Variants in ZDHHC5 observed in about 807,000 individuals in gnomAD.
ZDHHC5 encodes the protein palmitoyltransferase ZDHHC5.
In ZDHHC5, 22 loss-of-function variants were observed where a neutral mutation model predicts 70.0. The observed-to-expected ratio is 0.31, with a 90% CI of 0.22 to 0.45. The LOEUF (loss-of-function observed/expected upper bound fraction) is 0.45. Ranked by LOEUF, ZDHHC5 falls within the 20% of genes least tolerant of loss-of-function variation. The probability of loss-of-function intolerance (pLI) is 1.00; values close to 1 mark genes in which losing one functional copy is unlikely to be tolerated. For synonymous variants in ZDHHC5, 313 were observed against 347.8 expected (o/e 0.90, Z 1.11); for missense variants, 746 against 926.9 (o/e 0.80, Z 2.53).
intron 1 of ZDHHC5, among the ~76,000 whole-genome samples, chr11:57,668,760 A>AC (rs1945961040): frequency 6.6e-6 from 1 of 152,180 alleles, no homozygotes; most frequent in Non-Finnish European, 1.5e-5. Context: ...TCCTACCGCC[A>AC]CCAGCCGAGT....
intron 2 of ZDHHC5, among the ~76,000 whole-genome samples, chr11:57,678,714 C>CA (rs35821820): frequency 4.6e-5 from 7 of 151,818 alleles, no homozygotes; most frequent in South Asian, 4.2e-4. Flanking sequence ...CCTGTCTCTA[C>CA]AAAAAATAAG....
At chr11:57,669,448 T>C (rs1313359740) in intron 1 of ZDHHC5, among the ~76,000 whole-genome samples, 1 of 152,172 alleles carries the variant, frequency 6.6e-6, no homozygotes, top group East Asian at 1.9e-4. Flanking sequence ...CAATATGGCA[T>C]ACATATTACT....
At chr11:57,682,307 A>C in intron 2 of ZDHHC5, 115 bp from the exon 3 acceptor site, 1 of 1,389,374 alleles carries the variant, frequency 7.2e-7, no homozygotes, top group Non-Finnish European at 9.5e-7. Flanking sequence ...TGGCAAAGGT[A>C]AACCACACAA....
Position 57,672,184 on chromosome 11 carries a change from T to C in ZDHHC5, c.-907T>C, listed in dbSNP as rs1041127769. Reference sequence around the variant, plus strand: ...AATTGGAATTGATTTCTTCATCTTATTCTGCCTATTGGGAAGAACATGGCT... The same window carrying C: ...AATTGGAATTGATTTCTTCATCTTACTCTGCCTATTGGGAAGAACATGGCT... On this transcript the variant is annotated 5_prime_UTR_variant, in exon 2 of 12. Coordinates refer to ENST00000287169, the MANE Select transcript of ZDHHC5 (RefSeq NM_015457.3). The C allele has an allele frequency of 8.5e-5, 34 of 398,466 alleles. No individual in the cohort carries two copies. Among genetic ancestry groups the C allele is most frequent in the Non-Finnish European group, 1.2e-4 (28 of 226,054 alleles). The allele number at this position is 398,466 out of a possible 1,614,324, so 24.7% of individuals were successfully genotyped here.
intron 2 of ZDHHC5, among the ~76,000 whole-genome samples, chr11:57,674,486 G>A (rs965660286): frequency 3.9e-5 from 6 of 152,120 alleles, no homozygotes; most frequent in African/African-American, 1.4e-4. Flanking sequence ...CTTCTGGGAA[G>A]TTACTTTGTC....
rs754735960 is a variant in ZDHHC5 at position 57,698,885 on chromosome 11, G to A, written c.1449G>A (p.Glu483=). The A allele has an allele frequency of 3.1e-6, 5 of 1,614,086 alleles. No homozygotes were observed. The African/African-American group carries it at 5.3e-5, about 17-fold the overall frequency. The change falls in exon 11 of 12, where the codon GAG becomes GAA. Residue 483 remains glutamate (E), a synonymous_variant. Transcript: ENST00000287169. ...CACCTTCAGACAGCCCTGATTTTGAGTCAGTGCAGGCAGGGCCTGAGCCAG... is the reference window on the plus strand; with the variant it reads ...CACCTTCAGACAGCCCTGATTTTGAATCAGTGCAGGCAGGGCCTGAGCCAG... ...LLTPSDSPDF[E]SVQAGPEPDP...
Position 57,696,721 on chromosome 11 carries a change from C to T in ZDHHC5, c.1010-40C>T, listed in dbSNP as rs570839964. The T allele has an allele frequency of 3.1e-5, 50 of 1,588,792 alleles. No homozygotes were observed. In the East Asian group the frequency reaches 4.5e-4, roughly 14 times the overall value. On this transcript the variant is annotated intron_variant, in intron 9 of 11. Coordinates refer to ENST00000287169, the MANE Select transcript of ZDHHC5 (RefSeq NM_015457.3). The stretch of plus-strand genomic sequence containing the variant: ...GACCCTGTCTCTTAAACCAAAAAAC[C>T]GCTTGTAAAATAGTGCCCCCTTGGC...
intron 1 of ZDHHC5, chr11:57,668,615 G>C (rs760315487): frequency 2.6e-5 from 4 of 152,384 alleles, no homozygotes; most frequent in Non-Finnish European, 5.9e-5. Context: ...CCTTTCCCCA[G>C]TCCCGTGGTG....
At chr11:57,690,243 G>A in intron 5 of ZDHHC5, 40 bp downstream of exon 5, 1 of 1,613,228 alleles carries the variant, frequency 6.2e-7, no homozygotes, top group Non-Finnish European at 8.5e-7. Flanking sequence ...ATTGGAAGGG[G>A]GAGGAATGAG....
intron 2 of ZDHHC5, 118 bp downstream of exon 2, chr11:57,673,312 A>G: frequency 1.1e-6 from 1 of 892,708 alleles, no homozygotes; most frequent in Non-Finnish European, 1.7e-6. Context: ...AGCGTCTGGT[A>G]CAGGTAAATC....
At chr11:57,680,016 C>T (rs906615109) in intron 2 of ZDHHC5, among the ~76,000 whole-genome samples, 1 of 152,092 alleles carries the variant, frequency 6.6e-6, no homozygotes, top group African/African-American at 2.4e-5. Flanking sequence ...AGTTGATATC[C>T]AGAAGGTTGT....
In ZDHHC5 at chr11:57,700,161, GA is replaced by G; in HGVS notation, c.*131del. 7.9e-7 allele frequency: 1 copy of G among 1,260,986 alleles called. No homozygotes were observed. The highest frequency in any genetic ancestry group is 1.1e-6 in the Non-Finnish European group (1 of 940,684). 78.1% of individuals were successfully genotyped at this position (1,260,986 alleles called of 1,614,324 possible). A position where few individuals can be genotyped will look rare whatever the true frequency, so the allele number is the denominator to read the frequency against. On this transcript the variant is annotated 3_prime_UTR_variant, in exon 12 of 12. Coordinates refer to ENST00000287169, the MANE Select transcript of ZDHHC5 (RefSeq NM_015457.3). ...TTTAAACCACCGATTCCAAGAGGAT[GA>G]GGAGTGTTTTCTAAAATGCAGTAGG... is the stretch of plus-strand genomic sequence containing the variant.
chr11:57,672,521 T>C lies in ZDHHC5; in HGVS notation c.-570T>C. The C allele has an allele frequency of 3.0e-6, 1 of 329,042 alleles. No homozygotes were observed. Among genetic ancestry groups the C allele is most frequent in the Non-Finnish European group, 5.5e-6 (1 of 183,026 alleles). 20.4% of individuals were successfully genotyped at this position (329,042 alleles called of 1,614,324 possible). On this transcript the variant is annotated 5_prime_UTR_variant, in exon 2 of 12. Coordinates refer to ENST00000287169, the MANE Select transcript of ZDHHC5 (RefSeq NM_015457.3). ...CAGTAAACAAAGCTCCTCTTTAAAG[T>C]TGGAAGGGGCCTCAGGTTCCTTCTT...
chr11:57,697,828 C>CAAAAAAAAA (rs1010913426), intron 10 of ZDHHC5, among the ~76,000 whole-genome samples: 2 of 28,760 alleles, frequency 7.0e-5, no homozygotes, highest in Non-Finnish European at 1.4e-4. Context: ...GACTACACCT[C>CAAAAAAAAA]AAAAAAAAAA....
At chr11:57,698,118 AACAC>A (rs113494839) in intron 10 of ZDHHC5, among the ~76,000 whole-genome samples, 83 of 110,374 alleles carry the variant, frequency 7.5e-4, no homozygotes, top group African/African-American at 1.6e-3. Flanking sequence ...CTGGGCTTAA[AACAC>A]ACACACACAC....
At chr11:57,694,952 G>A (rs1946330825) in intron 8 of ZDHHC5, among the ~76,000 whole-genome samples, 1 of 151,926 alleles carries the variant, frequency 6.6e-6, no homozygotes, top group South Asian at 2.1e-4. Context: ...CTCTAAAACA[G>A]ACTAAAATAA....
chr11:57,696,163 C>T (rs1946349338), intron 9 of ZDHHC5, 120 bp downstream of exon 9: 2 of 1,416,580 alleles, frequency 1.4e-6, no homozygotes, highest in Non-Finnish European at 1.9e-6. Flanking sequence ...ACTTTAAACA[C>T]CCAACAGTTG....
intron 2 of ZDHHC5, among the ~76,000 whole-genome samples, chr11:57,677,824 C>T (rs1946091645): frequency 6.6e-6 from 1 of 151,720 alleles, no homozygotes; most frequent in Admixed American, 6.6e-5. Flanking sequence ...TGTGATTTAG[C>T]ACATTAATGG....
intron 7 of ZDHHC5, 25 bp from the exon 8 acceptor site, chr11:57,693,740 GCTCTCTCGCTGTGTCTCT>G: frequency 1.3e-6 from 2 of 1,499,018 alleles, no homozygotes; most frequent in East Asian, 5.0e-5. Flanking sequence ...ATGAATGAAA[GCTCTCTCGCTGTGTCTCT>G]CTCTCTCTCT....
Sources: allele counts gnomAD v4.1 joint callset (sites outside exome capture counted in the v4.1 genomes callset), GRCh38; gene constraint gnomAD v4.1.1; transcripts MANE v1.5; gene names NCBI Gene and HGNC (gene_info 2026-07-23, HGNC 2026-07-21).